Variants in LRATD1 observed in about 807,000 individuals in gnomAD.
The protein encoded by LRATD1 is protein LRATD1.
A neutral mutation model predicts 21.3 loss-of-function variants in LRATD1; 8 were observed. The observed-to-expected ratio is 0.38, with a 90% CI of 0.22 to 0.68. LRATD1 has a LOEUF of 0.68. Among genes scored for constraint, LRATD1 ranks in the 30% least tolerant of loss-of-function variants. LRATD1 has a pLI of 0.54. For missense variants in LRATD1, 380 were observed against 404.0 expected, an observed-to-expected ratio of 0.94 and a Z score of 0.51; for synonymous variants, 210 against 186.2, an observed-to-expected ratio of 1.13 and a Z score of -1.04.
chr2:14,635,567 G>A lies in LRATD1; in HGVS notation c.*709G>A, dbSNP rs1414232178. The A allele has an allele frequency of 2.5e-5, 12 of 470,906 alleles. No homozygotes were observed. In the East Asian group the frequency reaches 7.6e-4, roughly 30 times the overall value. 29.2% of individuals were successfully genotyped at this position (470,906 alleles called of 1,614,324 possible). ...TGGGAAGCGAACGCCACCCCCACCC[G>A]CCTTTGCCTGCGAGTCTCCCTCGCT... On this transcript the variant is annotated 3_prime_UTR_variant, in exon 2 of 2. Coordinates refer to ENST00000295092, the MANE Select transcript of LRATD1 (RefSeq NM_145175.4).
At chr2:14,648,147 T>G (rs1040404058) in intron 4 of LRATD1, among the ~76,000 whole-genome samples, 3 of 152,192 alleles carry the variant, frequency 2.0e-5, no homozygotes, top group African/African-American at 7.2e-5. Flanking sequence ...TACTCAGACT[T>G]TTAAAAGTGA....
Position 14,634,858 on chromosome 2 carries a change from G to A in LRATD1, c.879G>A (p.Ter293=). 6.2e-7 allele frequency: 1 copy of A among 1,608,446 alleles called. No homozygotes were observed. Among genetic ancestry groups the A allele is most frequent in the Non-Finnish European group, 8.5e-7 (1 of 1,176,808 alleles). The change falls in exon 2 of 2, where the codon TAG becomes TAA. Residue 293 remains the stop codon, a stop_retained_variant. Coordinates refer to ENST00000295092, the MANE Select transcript of LRATD1 (RefSeq NM_145175.4). ...ELADLVDDKE[*] ...CCGACCTCGTGGACGACAAGGAGTA[G>A]CCGCCTAGGGGCTGCCGGCCCCTCT...
In LRATD1 at chr2:14,634,513, G is replaced by A. The variant is rs1214306427; in HGVS notation, c.534G>A (p.Val178=). 3 of 1,505,556 alleles carry A rather than the reference G, an allele frequency of 2.0e-6. No homozygotes were observed. Among genetic ancestry groups the A allele is most frequent in the East Asian group, 2.3e-5 (1 of 43,126 alleles). The allele number at this position is 1,505,556 out of a possible 1,614,324, so 93.3% of individuals were successfully genotyped here. A position where few individuals can be genotyped will look rare whatever the true frequency, so the allele number is the denominator to read the frequency against. ...EAGAANVGRV[V]NSWYRYRPLV... is the part of the protein sequence containing the mutation. ...GCGCGGCCAACGTGGGCCGGGTGGTGAATAGCTGGTACCGCTACCGCCCGC... is the reference window on the plus strand; with the variant it reads ...GCGCGGCCAACGTGGGCCGGGTGGTAAATAGCTGGTACCGCTACCGCCCGC... The change falls in exon 2 of 2, where the codon GTG becomes GTA. Residue 178 remains valine, a synonymous_variant. Transcript: ENST00000295092.
downstream of LRATD1, among the ~76,000 whole-genome samples, chr2:14,643,944 T>C (rs570058131): frequency 6.6e-6 from 1 of 152,190 alleles, no homozygotes; most frequent in Non-Finnish European, 1.5e-5. Context: ...ATCTGGTCTA[T>C]AGTAGGTCCT....
intron 2 of LRATD1, among the ~76,000 whole-genome samples, chr2:14,645,746 T>C (rs977413352): frequency 1.3e-5 from 2 of 152,218 alleles, no homozygotes; most frequent in African/African-American, 4.8e-5. Flanking sequence ...AACCTTTTAT[T>C]ACTTACAATA....
downstream of LRATD1, among the ~76,000 whole-genome samples, chr2:14,642,556 C>T (rs1671824538): frequency 6.7e-6 from 1 of 148,508 alleles, no homozygotes; most frequent in Middle Eastern, 3.6e-3. Context: ...AAAGAGTCTA[C>T]TGAAAACCTA....
downstream of LRATD1, among the ~76,000 whole-genome samples, chr2:14,641,314 T>C (rs1316001727): frequency 2.0e-5 from 3 of 152,104 alleles, no homozygotes; most frequent in Non-Finnish European, 4.4e-5. Context: ...GCCCCCATGG[T>C]CGTTGAGAGA....
At chr2:14,647,390 C>T (rs1253129670) in intron 4 of LRATD1, among the ~76,000 whole-genome samples, 1 of 151,958 alleles carries the variant, frequency 6.6e-6, no homozygotes, top group African/African-American at 2.4e-5. Context: ...AGTCAAAGGG[C>T]AACTAAAATT....
Position 14,638,147 on chromosome 2 carries a change from G to A in LRATD1, c.*3289G>A, listed in dbSNP as rs183864078. ...TTAAACCAAAAATCAAATAAAATAA[G>A]GAGGGGGGCTGGGTATACTTTAAAC... On this transcript the variant is annotated 3_prime_UTR_variant, in exon 2 of 2. Coordinates refer to ENST00000295092, the MANE Select transcript of LRATD1 (RefSeq NM_145175.4). 9 of 164,834 alleles carry A rather than the reference G, an allele frequency of 5.5e-5. No homozygotes were observed. The highest frequency in any genetic ancestry group is 2.2e-4 in the African/African-American group (9 of 40,676). 10.2% of individuals were successfully genotyped at this position (164,834 alleles called of 1,614,324 possible). A position where few individuals can be genotyped will look rare whatever the true frequency, so the allele number is the denominator to read the frequency against.
In LRATD1 at chr2:14,638,761, C is replaced by T. The variant is rs535571249; in HGVS notation, c.*3903C>T. 6 of 167,060 alleles carry T rather than the reference C, an allele frequency of 3.6e-5. No individual in the cohort carries two copies. The highest frequency in any genetic ancestry group is 1.4e-4 in the African/African-American group (6 of 41,552). The allele number at this position is 167,060 out of a possible 1,614,324, so 10.3% of individuals were successfully genotyped here. On this transcript the variant is annotated 3_prime_UTR_variant, in exon 2 of 2. Transcript: ENST00000295092. The stretch of plus-strand genomic sequence containing the variant: ...TTTATAGGCATATCTTTAAAGCTTT[C>T]TTCTCTTTTTTGAACAAATGAAGAG...
Position 14,635,371 on chromosome 2 carries a change from G to C in LRATD1, c.*513G>C, listed in dbSNP as rs1201781905. Reference sequence around the variant, plus strand: ...CAGATCGCAGGATTTCCAAGAAATCGAGCCTGTCCCTTGTGCACTTGGGAA... The same window carrying C: ...CAGATCGCAGGATTTCCAAGAAATCCAGCCTGTCCCTTGTGCACTTGGGAA... On this transcript the variant is annotated 3_prime_UTR_variant, in exon 2 of 2. Coordinates refer to ENST00000295092, the MANE Select transcript of LRATD1 (RefSeq NM_145175.4). 2 of 473,728 alleles carry C rather than the reference G, an allele frequency of 4.2e-6. No homozygotes were observed. The highest frequency in any genetic ancestry group is 8.7e-6 in the Non-Finnish European group (2 of 228,948). 29.3% of individuals were successfully genotyped at this position (473,728 alleles called of 1,614,324 possible). A position where few individuals can be genotyped will look rare whatever the true frequency, so the allele number is the denominator to read the frequency against.
At position 14,635,285 on chromosome 2, in the gene LRATD1, C is replaced by T. The variant is rs1003661549; in HGVS notation, c.*427C>T. On this transcript the variant is annotated 3_prime_UTR_variant, in exon 2 of 2. Coordinates refer to ENST00000295092, the MANE Select transcript of LRATD1 (RefSeq NM_145175.4). ...CCGCCCCGAGCGTGCGCACACAGAC[C>T]GGTCGGAGGCGAGAACTGGTCTCTA... 1.4e-5 allele frequency: 7 copies of T among 493,458 alleles called. 1 individual carries two copies. In the Middle Eastern group the frequency reaches 1.9e-3, roughly 133 times the overall value. 30.6% of individuals were successfully genotyped at this position (493,458 alleles called of 1,614,324 possible). A position where few individuals can be genotyped will look rare whatever the true frequency, so the allele number is the denominator to read the frequency against.
intron 2 of LRATD1, among the ~76,000 whole-genome samples, chr2:14,645,728 T>C (rs1179423133): frequency 6.6e-6 from 1 of 152,166 alleles, no homozygotes; most frequent in African/African-American, 2.4e-5. Flanking sequence ...TTTTGTTTCC[T>C]TTGAAAAAAC....
In LRATD1 at chr2:14,633,840, TA is replaced by T; in HGVS notation, c.-36-102del. 8.6e-7 allele frequency: 1 copy of T among 1,164,688 alleles called. No individual in the cohort carries two copies. Among genetic ancestry groups the T allele is most frequent in the Non-Finnish European group, 1.2e-6 (1 of 834,986 alleles). The allele number at this position is 1,164,688 out of a possible 1,614,324, so 72.1% of individuals were successfully genotyped here. On this transcript the variant is annotated intron_variant, in intron 1 of 1. Coordinates refer to ENST00000295092, the MANE Select transcript of LRATD1 (RefSeq NM_145175.4). The surrounding 1 kb of genome is among the most constrained non-coding windows in gnomAD (Gnocchi z 7.5). ...AAAGGGTGACTCCGGTGAGGGCACG[TA>T]AGCTAGCCGGCAGGTCCCAGGGGCA...
chr2:14,633,848 C>A lies in LRATD1; in HGVS notation c.-36-96C>A. 8.2e-7 allele frequency: 1 copy of A among 1,220,160 alleles called. No homozygotes were observed. Among genetic ancestry groups the A allele is most frequent in the Non-Finnish European group, 1.1e-6 (1 of 884,578 alleles). 75.6% of individuals were successfully genotyped at this position (1,220,160 alleles called of 1,614,324 possible). On this transcript the variant is annotated intron_variant, in intron 1 of 1. Transcript: ENST00000295092. The surrounding 1 kb of genome is among the most constrained non-coding windows in gnomAD (Gnocchi z 7.5). ...ACTCCGGTGAGGGCACGTAAGCTAGCCGGCAGGTCCCAGGGGCACTGCACG... is the reference window on the plus strand; with the variant it reads ...ACTCCGGTGAGGGCACGTAAGCTAGACGGCAGGTCCCAGGGGCACTGCACG...
In LRATD1 at chr2:14,634,890, C is replaced by G; in HGVS notation, c.*32C>G. 6.3e-7 allele frequency: 1 copy of G among 1,590,540 alleles called. No homozygotes were observed. The highest frequency in any genetic ancestry group is 8.6e-7 in the Non-Finnish European group (1 of 1,166,728). ...AGGGGCTGCCGGCCCCTCTGCCTCC[C>G]CCGCACCTCGCTCCCTTCCCTTCCC... is the stretch of plus-strand genomic sequence containing the variant. On this transcript the variant is annotated 3_prime_UTR_variant, in exon 2 of 2. Transcript: ENST00000295092.
chr2:14,640,994 A>T (rs1017759910), downstream of LRATD1, among the ~76,000 whole-genome samples: 14 of 152,274 alleles, frequency 9.2e-5, no homozygotes, highest in African/African-American at 3.4e-4. Context: ...TGATTTTAGG[A>T]TTATAGTTTT....
At chr2:14,648,850 G>A (rs1416251261) in intron 4 of LRATD1, among the ~76,000 whole-genome samples, 1 of 152,156 alleles carries the variant, frequency 6.6e-6, no homozygotes, top group Non-Finnish European at 1.5e-5. Flanking sequence ...AAATACACAT[G>A]TAACTGGCAT....
chr2:14,635,438 A>G lies in LRATD1; in HGVS notation c.*580A>G, dbSNP rs1174521892. The G allele has an allele frequency of 8.5e-6, 4 of 471,176 alleles. No individual in the cohort carries two copies. Among genetic ancestry groups the G allele is most frequent in the Admixed American group, 2.3e-5 (1 of 42,574 alleles). 29.2% of individuals were successfully genotyped at this position (471,176 alleles called of 1,614,324 possible). A position where few individuals can be genotyped will look rare whatever the true frequency, so the allele number is the denominator to read the frequency against. On this transcript the variant is annotated 3_prime_UTR_variant, in exon 2 of 2. Transcript: ENST00000295092. The stretch of plus-strand genomic sequence containing the variant: ...CACTTCGGGATTCCGGGTTATCCTG[A>G]GGCTGCCCGGGACTTTTCCAGCTCT...
Sources: gnomAD v4.1 joint callset for allele counts (sites outside exome capture counted in the v4.1 genomes callset) on GRCh38, gnomAD v4.1.1 for gene constraint, Gnocchi (gnomAD v3.1) non-coding constraint, MANE v1.5 for transcripts, NCBI Gene and HGNC (gene_info 2026-07-23, HGNC 2026-07-21) for gene names.